FAM53A: variants seen among roughly 807,000 people sequenced by gnomAD.
FAM53A encodes family with sequence similarity 53 member A.
FAM53A carries 28 observed loss-of-function variants against 26.6 expected under a neutral mutation model. The ratio of observed to expected loss-of-function variants is 1.05; its 90% CI spans 0.78 to 1.45. FAM53A has a LOEUF of 1.45. Ranked by LOEUF, FAM53A falls within the 40% of genes most tolerant of loss-of-function variation. FAM53A has a pLI of 0.00. For synonymous variants in FAM53A, 290 were observed against 253.1 expected, an observed-to-expected ratio of 1.15 and a Z score of -1.38; for missense variants, 650 against 575.8, an observed-to-expected ratio of 1.13 and a Z score of -1.32.
rs142201320 is a variant in FAM53A at position 1,620,068 on chromosome 4, C to T, written c.432-1957G>A. Among the ~76,000 whole-genome samples, 1,339 of 152,060 alleles carry T rather than the reference C, an allele frequency of 8.8e-3. 11 individuals carry two copies. Among genetic ancestry groups the T allele is most frequent in the African/African-American group, 0.031 (1,285 of 41,472 alleles). The stretch of plus-strand genomic sequence containing the variant: ...ACTAAATATACAAAAATTAGCCGGG[C>T]GTGGTGGCGGGCAGCTGTAGTCCCA... On this transcript the variant is annotated intron_variant, in intron 1 of 1. Transcript: ENST00000489029.
chr4:1,662,268 C>T (rs185107653), intron 2 of FAM53A, among the ~76,000 whole-genome samples: 119 of 152,034 alleles, frequency 7.8e-4, no homozygotes, highest in African/African-American at 2.7e-3. Flanking sequence ...ATCACAAAGT[C>T]AGGAGTTCAA....
chr4:1,654,653 G>C (rs1460484805), intron 4 of FAM53A, among the ~76,000 whole-genome samples: 1 of 152,230 alleles, frequency 6.6e-6, no homozygotes, highest in East Asian at 1.9e-4. Flanking sequence ...GCTGAGGCGG[G>C]GGGCGGCTCA....
Position 1,630,315 on chromosome 4 carries a change from C to T in FAM53A, c.432-12204G>A, listed in dbSNP as rs1715556844. Among the ~76,000 whole-genome samples the T allele has an allele frequency of 1.3e-5, 2 of 152,208 alleles. No individual in the cohort carries two copies. Among genetic ancestry groups the T allele is most frequent in the African/African-American group, 4.8e-5 (2 of 41,434 alleles). Reference sequence around the variant, plus strand: ...TCAGAGCCCACCTTGGTGTTGTGGCCCCCATGGTGTCTGCTGAGACCACTC... The same window carrying T: ...TCAGAGCCCACCTTGGTGTTGTGGCTCCCATGGTGTCTGCTGAGACCACTC... On this transcript the variant is annotated intron_variant, in intron 1 of 1. Coordinates refer to the FAM53A transcript ENST00000489029. The surrounding 1 kb of genome is among the most constrained non-coding windows in gnomAD (Gnocchi z 4.3).
chr4:1,679,248 G>A (rs1391292609), intron 1 of FAM53A, among the ~76,000 whole-genome samples: 2 of 151,866 alleles, frequency 1.3e-5, no homozygotes, highest in East Asian at 1.9e-4. Flanking sequence ...TTAGCCGGGC[G>A]TGTGGGCACA....
chr4:1,602,836 G>A, the FAM53A span, among the ~76,000 whole-genome samples: 7 of 152,218 alleles, frequency 4.6e-5, no homozygotes, highest in South Asian at 1.4e-3. Flanking sequence ...AGGGCAGCAG[G>A]AGCCGGCTCC....
the FAM53A span, among the ~76,000 whole-genome samples, chr4:1,604,331 G>C: frequency 6.6e-6 from 1 of 152,222 alleles, no homozygotes; most frequent in Non-Finnish European, 1.5e-5. Flanking sequence ...GCGGGGTGTA[G>C]GCGGTGGCTG....
At chr4:1,602,694 G>T in the FAM53A span, among the ~76,000 whole-genome samples, 726 of 152,320 alleles carry the variant, frequency 4.8e-3, 6 homozygotes, top group African/African-American at 0.017. Context: ...GGCAGGAGCT[G>T]CGAGGCCAGG....
chr4:1,623,549 G>A (rs1412471643), intron 1 of FAM53A, among the ~76,000 whole-genome samples: 13 of 152,202 alleles, frequency 8.5e-5, no homozygotes, highest in Admixed American at 2.0e-4. Context: ...CTTCCCCGGC[G>A]GCCTGGCCGG....
chr4:1,636,470 G>A (rs1715843547), downstream of FAM53A, among the ~76,000 whole-genome samples: 1 of 152,256 alleles, frequency 6.6e-6, no homozygotes, highest in African/African-American at 2.4e-5. Flanking sequence ...ACTTTGTGGT[G>A]TTGCCCCGTT....
chr4:1,623,191 AG>A (rs1362208203), intron 1 of FAM53A, among the ~76,000 whole-genome samples: 1 of 152,164 alleles, frequency 6.6e-6, no homozygotes, highest in Non-Finnish European at 1.5e-5. Context: ...TGCCCGCTCC[AG>A]GACGGGGACA....
intron 1 of FAM53A, among the ~76,000 whole-genome samples, chr4:1,625,655 C>A (rs1715260229): frequency 8.0e-6 from 1 of 125,402 alleles, no homozygotes; most frequent in Admixed American, 7.8e-5. Flanking sequence ...GGCCCCACGT[C>A]CCGACCCACG....
chr4:1,623,914 T>C (rs1715167615), intron 1 of FAM53A, among the ~76,000 whole-genome samples: 1 of 152,156 alleles, frequency 6.6e-6, no homozygotes, highest in Non-Finnish European at 1.5e-5. Flanking sequence ...GGTGCCCGGC[T>C]GGGCACAGCC....
chr4:1,608,628 G>C, the FAM53A span, among the ~76,000 whole-genome samples: 3 of 152,098 alleles, frequency 2.0e-5, no homozygotes, highest in East Asian at 1.9e-4. Context: ...AACCCAAGGA[G>C]GGTCCTGCAG....
intron 1 of FAM53A, among the ~76,000 whole-genome samples, chr4:1,679,386 CAAAAAAA>C (rs34354638): frequency 4.9e-5 from 3 of 61,218 alleles, no homozygotes; most frequent in Admixed American, 2.1e-4. Flanking sequence ...ACCATGTCTC[CAAAAAAA>C]AAAAAAAAAA....
intron 4 of FAM53A, chr4:1,644,406 ACTT>A (rs1712052663): frequency 4.0e-6 from 6 of 1,513,090 alleles, no homozygotes; most frequent in Non-Finnish European, 5.3e-6. Flanking sequence ...AGGAGAAAAA[ACTT>A]CTGCCCACAG....
the FAM53A span, among the ~76,000 whole-genome samples, chr4:1,590,955 CATATATATATATATATATATATAT>C: frequency 9.3e-3 from 430 of 46,308 alleles, 19 homozygotes; most frequent in African/African-American, 0.024. Context: ...TTATTTAATG[CATATATATATATATATATATATAT>C]ATATATATAT....
intron 1 of FAM53A, among the ~76,000 whole-genome samples, chr4:1,633,567 G>A (rs1577093332): frequency 6.6e-6 from 1 of 152,106 alleles, no homozygotes. Context: ...CAGGAGAGGC[G>A]GGAATGAAGA....
At chr4:1,581,858 G>C in the FAM53A span, among the ~76,000 whole-genome samples, 3 of 150,452 alleles carry the variant, frequency 2.0e-5, no homozygotes, top group African/African-American at 7.3e-5. Context: ...TCCTCCCAAA[G>C]TGCTGGGATT....
At chr4:1,642,400 TC>T (rs1266566733) in intron 4 of FAM53A, among the ~76,000 whole-genome samples, 1 of 151,696 alleles carries the variant, frequency 6.6e-6, no homozygotes, top group Non-Finnish European at 1.5e-5. Flanking sequence ...CCCTCTGCCC[TC>T]CGGAGGTGCC....
Sources: allele counts gnomAD v4.1 joint callset (sites outside exome capture counted in the v4.1 genomes callset), GRCh38; gene constraint gnomAD v4.1.1; non-coding constraint Gnocchi (gnomAD v3.1); transcripts MANE v1.5; gene names NCBI Gene and HGNC (gene_info 2026-07-23, HGNC 2026-07-21).